KHDRBS2: variants seen among roughly 807,000 people sequenced by gnomAD.
KHDRBS2 encodes the protein KH RNA binding domain containing, signal transduction associated 2.
KHDRBS2 carries 26 observed loss-of-function variants against 44.3 expected under a neutral mutation model. That is an observed-to-expected ratio of 0.59 (90% CI 0.43 to 0.81). The LOEUF is 0.81. KHDRBS2 is among the 40% of genes least tolerant of loss of function. KHDRBS2 has a pLI of 0.00. For missense variants in KHDRBS2, 476 were observed against 433.1 expected, an observed-to-expected ratio of 1.10 and a Z score of -0.88; for synonymous variants, 194 against 151.1, an observed-to-expected ratio of 1.28 and a Z score of -2.08.
chr6:62,205,522 G>A (rs1827799977), intron 1 of KHDRBS2, among the ~76,000 whole-genome samples: 1 of 152,116 alleles, frequency 6.6e-6, no homozygotes, highest in Non-Finnish European at 1.5e-5. Context: ...CAACTAGACA[G>A]AAATCACAGG....
intron 6 of KHDRBS2, among the ~76,000 whole-genome samples, chr6:61,855,291 A>G (rs1348134080): frequency 1.3e-5 from 2 of 152,022 alleles, no homozygotes; most frequent in Non-Finnish European, 2.9e-5. Context: ...AATTTTTAGG[A>G]ACAATTATTA....
chr6:62,196,247 G>A (rs1451218001), intron 1 of KHDRBS2, among the ~76,000 whole-genome samples: 2 of 152,122 alleles, frequency 1.3e-5, no homozygotes, highest in Admixed American at 6.6e-5. Flanking sequence ...GGAGTTATAA[G>A]CCAAGTTAAC....
At chr6:62,046,009 T>A (rs1787608162) in intron 3 of KHDRBS2, among the ~76,000 whole-genome samples, 2 of 150,730 alleles carry the variant, frequency 1.3e-5, no homozygotes, top group South Asian at 4.2e-4. Context: ...CTAAAAAATA[T>A]TTTGCAGTAC....
the KHDRBS2 span, among the ~76,000 whole-genome samples, chr6:61,598,461 A>C: frequency 6.6e-6 from 1 of 152,202 alleles, no homozygotes; most frequent in South Asian, 2.1e-4. Context: ...AGGGTCTCAG[A>C]TTCTCAGATG....
At chr6:61,697,362 C>A in intron 7 of KHDRBS2, 109 bp from the exon 8 acceptor site, 1 of 731,382 alleles carries the variant, frequency 1.4e-6, no homozygotes, top group Non-Finnish European at 2.5e-6. Context: ...ATTCCAGGAA[C>A]TTCAAGGCAT....
At chr6:61,846,556 T>G (rs1794438189) in intron 6 of KHDRBS2, among the ~76,000 whole-genome samples, 1 of 152,194 alleles carries the variant, frequency 6.6e-6, no homozygotes, top group Admixed American at 6.5e-5. Flanking sequence ...ATATTTCCAT[T>G]GAGAAAGAAG....
At chr6:61,983,313 G>A (rs76278053) in intron 3 of KHDRBS2, among the ~76,000 whole-genome samples, 8,646 of 143,178 alleles carry the variant, frequency 0.06, 323 homozygotes, top group East Asian at 0.18. Flanking sequence ...CTGGGCTCAA[G>A]TGATCCCCTA....
At chr6:61,601,685 A>C in the KHDRBS2 span, among the ~76,000 whole-genome samples, 1 of 151,762 alleles carries the variant, frequency 6.6e-6, no homozygotes, top group Non-Finnish European at 1.5e-5. Flanking sequence ...AGTGTTGCTG[A>C]GTCTTTCCAA....
chr6:61,731,360 G>C (rs1644171876), intron 7 of KHDRBS2, among the ~76,000 whole-genome samples: 1 of 152,002 alleles, frequency 6.6e-6, no homozygotes, highest in Non-Finnish European at 1.5e-5. Context: ...TAGCTTACTA[G>C]AAATTAACCA....
At chr6:62,225,122 C>T (rs979214127) in intron 1 of KHDRBS2, among the ~76,000 whole-genome samples, 4 of 152,150 alleles carry the variant, frequency 2.6e-5, no homozygotes, top group South Asian at 2.1e-4. Flanking sequence ...TGCTTCTAAA[C>T]ATCCTACAGT....
chr6:61,822,603 A>C (rs900146429), intron 6 of KHDRBS2, among the ~76,000 whole-genome samples: 1 of 152,006 alleles, frequency 6.6e-6, no homozygotes, highest in African/African-American at 2.4e-5. Context: ...CTTAGGATGA[A>C]GTCTAACTTC....
intron 3 of KHDRBS2, among the ~76,000 whole-genome samples, chr6:62,000,263 C>T (rs993873361): frequency 6.6e-6 from 1 of 152,164 alleles, no homozygotes; most frequent in Non-Finnish European, 1.5e-5. Flanking sequence ...TGCAGAAGAA[C>T]TTATACCATT....
chr6:62,108,326 C>CA (rs939763821), intron 2 of KHDRBS2, among the ~76,000 whole-genome samples: 8 of 151,980 alleles, frequency 5.3e-5, no homozygotes, highest in Non-Finnish European at 8.8e-5. Context: ...TTTATGCAGC[C>CA]AAAAAAACAC....
At chr6:62,088,028 G>A (rs2127360772) in intron 2 of KHDRBS2, among the ~76,000 whole-genome samples, 2 of 152,286 alleles carry the variant, frequency 1.3e-5, no homozygotes, top group African/African-American at 4.8e-5. Context: ...CTCATGCTGT[G>A]TTTTTCAGCT....
the KHDRBS2 span, among the ~76,000 whole-genome samples, chr6:61,656,249 C>T: frequency 6.6e-6 from 1 of 152,106 alleles, no homozygotes; most frequent in South Asian, 2.1e-4. Context: ...CATATAGCCT[C>T]ATCTCTTGTT....
At chr6:61,686,570 A>T (rs1204877646) in intron 8 of KHDRBS2, among the ~76,000 whole-genome samples, 3 of 151,762 alleles carry the variant, frequency 2.0e-5, no homozygotes, top group South Asian at 2.1e-4. Flanking sequence ...ATCATATTTT[A>T]AAAAACTCTA....
At chr6:62,168,785 T>A (rs1175191905) in intron 2 of KHDRBS2, among the ~76,000 whole-genome samples, 1 of 151,864 alleles carries the variant, frequency 6.6e-6, no homozygotes, top group Non-Finnish European at 1.5e-5. Flanking sequence ...GCAATTAAAC[T>A]CAATACACAT....
At chr6:61,696,670 G>A in intron 8 of KHDRBS2, among the ~76,000 whole-genome samples, 1 of 152,034 alleles carries the variant, frequency 6.6e-6, no homozygotes, top group Middle Eastern at 3.4e-3. Context: ...ATTTTAAGTG[G>A]CATTTTAATT....
chr6:61,662,179 A>G, the KHDRBS2 span, among the ~76,000 whole-genome samples: 2 of 152,146 alleles, frequency 1.3e-5, no homozygotes, highest in Admixed American at 6.6e-5. Context: ...TGGTGCTGGG[A>G]AAACTGTCTA....
Sources: gnomAD v4.1 joint callset for allele counts (sites outside exome capture counted in the v4.1 genomes callset) on GRCh38, gnomAD v4.1.1 for gene constraint, MANE v1.5 for transcripts, NCBI Gene and HGNC (gene_info 2026-07-23, HGNC 2026-07-21) for gene names.